ZCRB1: variants seen among roughly 807,000 people sequenced by gnomAD.
ZCRB1 encodes the protein zinc finger CCHC-type and RNA-binding motif-containing protein 1.
Under a neutral mutation model 29.9 loss-of-function variants are expected in ZCRB1, and 21 were observed. The ratio of observed to expected loss-of-function variants is 0.70; its 90% confidence interval spans 0.50 to 1.01. The LOEUF (loss-of-function observed/expected upper bound fraction) is 1.01. ZCRB1 is among the 50% of genes least tolerant of loss of function. The pLI is 0.00. For missense variants in ZCRB1, 204 were observed against 253.3 expected (o/e 0.81, Z 1.32); for synonymous variants, 77 against 80.0 (o/e 0.96, Z 0.20).
At chr12:42,315,934 T>C (rs1180159728) in intron 5 of ZCRB1, among the ~76,000 whole-genome samples, 1 of 152,120 alleles carries the variant, frequency 6.6e-6, no homozygotes. Flanking sequence ...TTTAGTTATC[T>C]TTTTTGTCGG....
chr12:42,323,711 C>A (rs192441435), intron 2 of ZCRB1: 6 of 272,670 alleles, frequency 2.2e-5, no homozygotes, highest in Non-Finnish European at 2.7e-5. Flanking sequence ...GGCTCACTGT[C>A]GCCTCGACCT....
Position 42,317,631 on chromosome 12 carries a change from C to T in ZCRB1, c.225+156G>A, listed in dbSNP as rs187705326. On this transcript the variant is annotated intron_variant, in intron 4 of 7. Transcript: ENST00000266529. Reference sequence around the variant, plus strand: ...TGAGATTCCACCAATGTTTTGAGAACCCAGTAGTTTGACCTCTTTTCTTTC... The same window carrying T: ...TGAGATTCCACCAATGTTTTGAGAATCCAGTAGTTTGACCTCTTTTCTTTC... Among the ~76,000 whole-genome samples, 401 of 152,216 alleles carry T rather than the reference C, an allele frequency of 2.6e-3. 1 individual carries two copies. Among genetic ancestry groups the T allele is most frequent in the African/African-American group, 9.2e-3 (382 of 41,538 alleles).
intron 3 of ZCRB1, 24 bp downstream of exon 3, chr12:42,322,393 TA>T (rs1479382678): frequency 5.5e-6 from 8 of 1,452,972 alleles, no homozygotes; most frequent in Non-Finnish European, 7.4e-6. Context: ...TAAATGAAGT[TA>T]CAAAATTTAA....
At chr12:42,325,242 AC>A (rs2068685765) in intron 1 of ZCRB1, 1 of 152,148 alleles carries the variant, frequency 6.6e-6, no homozygotes, top group African/African-American at 2.4e-5. Flanking sequence ...ATGGCTGGGT[AC>A]CTTTTTTGCT....
At chr12:42,324,330 T>G (rs2068645065) in intron 1 of ZCRB1, among the ~76,000 whole-genome samples, 1 of 152,184 alleles carries the variant, frequency 6.6e-6, no homozygotes, top group Non-Finnish European at 1.5e-5. Flanking sequence ...GTATTTTTAG[T>G]AGAGACAGTG....
Position 42,313,695 on chromosome 12 carries a change from A to G in ZCRB1, c.517T>C (p.Phe173Leu). 1 of 1,613,252 alleles carries G rather than the reference A, an allele frequency of 6.2e-7. No homozygotes were observed. Among genetic ancestry groups the G allele is most frequent in the Non-Finnish European group, 8.5e-7 (1 of 1,179,748 alleles). Residue 173 changes from phenylalanine (F) to leucine (L), a missense_variant, in exon 7 of 8, where the codon TTC (phenylalanine) becomes CTC (leucine). Phe to Leu is a conservative substitution (Grantham distance 22). Coordinates refer to ENST00000266529, the MANE Select transcript of ZCRB1 (RefSeq NM_033114.4). ...TTAAAAGAACAATTTAATACCTGGAATGCTATGGCCTGACTGAGGCTGTCA... is the reference window on the plus strand; with the variant it reads ...TTAAAAGAACAATTTAATACCTGGAGTGCTATGGCCTGACTGAGGCTGTCA... ...ALDSLSQAIA[F>L]QQAKIEEEQK...
chr12:42,314,435 G>C (rs12578297), intron 5 of ZCRB1, among the ~76,000 whole-genome samples: 1 of 121,316 alleles, frequency 8.2e-6, no homozygotes, highest in Admixed American at 9.3e-5. Flanking sequence ...AAAAAAATTA[G>C]TTGGGCATAA....
At chr12:42,313,613 G>T in intron 7 of ZCRB1, 77 bp downstream of exon 7, 1 of 1,473,864 alleles carries the variant, frequency 6.8e-7, no homozygotes, top group Non-Finnish European at 9.3e-7. Flanking sequence ...GTTGCCATGA[G>T]GTGATCAATG....
At chr12:42,319,550 A>G (rs2068611196) in intron 3 of ZCRB1, among the ~76,000 whole-genome samples, 1 of 152,210 alleles carries the variant, frequency 6.6e-6, no homozygotes, top group African/African-American at 2.4e-5. Context: ...GCCTTTGTTC[A>G]TACAGCTTCT....
chr12:42,314,809 G>A (rs1363908994), intron 5 of ZCRB1, among the ~76,000 whole-genome samples: 1 of 151,926 alleles, frequency 6.6e-6, no homozygotes, highest in Non-Finnish European at 1.5e-5. Flanking sequence ...AAAATTAGCT[G>A]GGCTTGGTGG....
In ZCRB1 at chr12:42,313,055, T is replaced by C. The variant is rs2068577282; in HGVS notation, c.*12A>G. On this transcript the variant is annotated 3_prime_UTR_variant, in exon 8 of 8. Coordinates refer to ENST00000266529, the MANE Select transcript of ZCRB1 (RefSeq NM_033114.4). ...CAAATCTTGATTTTTATTACTGTGC[T>C]GGGGCAAGATTTTAATCACTAAGTT... 6.3e-7 allele frequency: 1 copy of C among 1,581,532 alleles called. No individual in the cohort carries two copies. The highest frequency in any genetic ancestry group is 1.4e-5 in the African/African-American group (1 of 73,520).
intron 5 of ZCRB1, among the ~76,000 whole-genome samples, chr12:42,316,401 G>A (rs1026081876): frequency 6.6e-6 from 1 of 152,058 alleles, no homozygotes; most frequent in African/African-American, 2.4e-5. Flanking sequence ...TGCCCGGCCT[G>A]TTTCTTAAGT....
rs552917410 is a variant in ZCRB1, at chr12:42,312,937, A to G, written c.*130T>C. 1.0e-6 allele frequency: 1 copy of G among 998,224 alleles called. No homozygotes were observed. The highest frequency in any genetic ancestry group is 3.2e-5 in the East Asian group (1 of 31,270). The allele number at this position is 998,224 out of a possible 1,614,324, so 61.8% of individuals were successfully genotyped here. On this transcript the variant is annotated 3_prime_UTR_variant, in exon 8 of 8. Transcript: ENST00000266529. ...AACTTTTCAAATAAATTTTTAAAAT[A>G]TCTTTTTTCTTGGGATGACAATAAT...
rs756292316 is a variant in ZCRB1 at position 42,313,888 on chromosome 12, T to C, written c.432A>G (p.Glu144=). 3 of 1,599,972 alleles carry C rather than the reference T, an allele frequency of 1.9e-6. No homozygotes were observed. Among genetic ancestry groups the C allele is most frequent in the South Asian group, 1.2e-5 (1 of 86,808 alleles). The change falls in exon 6 of 8, where the codon GAA becomes GAG. Residue 144 remains glutamate, a synonymous_variant. Transcript: ENST00000266529. ...AATATACATACATTTCTTCTTCTGG[T>C]TCAGGAGCTTTCTTTTTTTTCTTTT... ...KEKKKKKKAP[E]PEEEIEEVEE...
intron 2 of ZCRB1, among the ~76,000 whole-genome samples, chr12:42,323,370 A>G (rs1457996452): frequency 2.6e-5 from 4 of 151,952 alleles, no homozygotes; most frequent in African/African-American, 4.8e-5. Context: ...ACCTAAGATT[A>G]CCCCTCTTTT....
chr12:42,317,109 G>A (rs1024538024), intron 5 of ZCRB1, among the ~76,000 whole-genome samples: 7 of 152,190 alleles, frequency 4.6e-5, no homozygotes, highest in African/African-American at 1.7e-4. Flanking sequence ...CTCAGACACT[G>A]TGGTGGGAGG....
intron 3 of ZCRB1, among the ~76,000 whole-genome samples, chr12:42,321,826 G>A (rs1370964411): frequency 6.6e-6 from 1 of 152,126 alleles, no homozygotes; most frequent in Non-Finnish European, 1.5e-5. Flanking sequence ...ATAGTTGCTT[G>A]ATTTAAAACA....
chr12:42,320,377 T>C (rs1375554875), intron 3 of ZCRB1, among the ~76,000 whole-genome samples: 2 of 152,220 alleles, frequency 1.3e-5, no homozygotes, highest in East Asian at 3.8e-4. Flanking sequence ...TCTCCACCTG[T>C]ACTATTTTAG....
chr12:42,314,490 G>A lies in ZCRB1; in HGVS notation c.334-504C>T, dbSNP rs150507041. The stretch of plus-strand genomic sequence containing the variant: ...CCAGCTACTCAGGAGGCTGAGGTAG[G>A]AGAATTGCTTAAACCCAGGAGGTGG... On this transcript the variant is annotated intron_variant, in intron 5 of 7. Transcript: ENST00000266529. Among the ~76,000 whole-genome samples, 305 of 147,026 alleles carry A rather than the reference G, an allele frequency of 2.1e-3. 5 individuals are homozygous for A. In the East Asian group the frequency reaches 0.038, roughly 18 times the overall value.
Sources: allele counts gnomAD v4.1 joint callset (sites outside exome capture counted in the v4.1 genomes callset), GRCh38; gene constraint gnomAD v4.1.1; transcripts MANE v1.5; gene names NCBI Gene and HGNC (gene_info 2026-07-23, HGNC 2026-07-21).